TTI2: variants seen among roughly 807,000 people sequenced by gnomAD.
TTI2 encodes the protein TELO2-interacting protein 2.
A neutral mutation model predicts 44.9 loss-of-function variants in TTI2; 26 were observed. That is an observed-to-expected ratio of 0.58 (90% confidence interval 0.42 to 0.80). The LOEUF is 0.80. Among genes scored for constraint, TTI2 ranks in the 30% least tolerant of loss-of-function variants. The pLI, the probability that TTI2 is intolerant of heterozygous loss-of-function variation, is 0.00. For synonymous variants in TTI2, 254 were observed against 250.9 expected, an observed-to-expected ratio of 1.01 and a Z score of -0.12; for missense variants, 582 against 611.6, an observed-to-expected ratio of 0.95 and a Z score of 0.51.
Position 33,512,014 on chromosome 8 carries a change from T to C in TTI2, c.600A>G (p.Lys200=). The change falls in exon 2 of 8, where the codon AAA becomes AAG. Residue 200 remains lysine (K), a synonymous_variant. Coordinates refer to ENST00000431156, the MANE Select transcript of TTI2 (RefSeq NM_001102401.4). ...GFLHGENEDE[K]GRLSVILGLL... ...GCCCTAGTATCACCGAAAGTCTCCC[T>C]TTCTCATCTTCATTTTCTCCATGTA... The C allele has an allele frequency of 6.2e-7, 1 of 1,614,170 alleles. No homozygotes were observed. Among genetic ancestry groups the C allele is most frequent in the Non-Finnish European group, 8.5e-7 (1 of 1,180,038 alleles).
Position 33,504,042 on chromosome 8 carries a change from C to G in TTI2, c.928-107G>C. 2.5e-6 allele frequency: 3 copies of G among 1,180,784 alleles called. 1 individual carries two copies. The South Asian group carries it at 3.9e-5, about 15-fold the overall frequency. The allele number at this position is 1,180,784 out of a possible 1,614,324, so 73.1% of individuals were successfully genotyped here. A position where few individuals can be genotyped will look rare whatever the true frequency, so the allele number is the denominator to read the frequency against. Reference sequence around the variant, plus strand: ...AATCTACCGTCCTTAGGGTCCATACCAGAGAATTCTAAGATACTAGTAATC... The same window carrying G: ...AATCTACCGTCCTTAGGGTCCATACGAGAGAATTCTAAGATACTAGTAATC... On this transcript the variant is annotated intron_variant, in intron 4 of 7. Coordinates refer to ENST00000431156, the MANE Select transcript of TTI2 (RefSeq NM_001102401.4).
chr8:33,512,817 G>T, intron 1 of TTI2, 105 bp from the exon 2 acceptor site: 1 of 489,318 alleles, frequency 2.0e-6, no homozygotes, highest in Non-Finnish European at 3.6e-6. Flanking sequence ...GGAGTTTGCA[G>T]TGAGCCGAGA....
chr8:33,509,718 C>T (rs767941286), intron 3 of TTI2, 28 bp downstream of exon 3: 15 of 1,608,534 alleles, frequency 9.3e-6, no homozygotes, highest in Admixed American at 1.7e-5. Flanking sequence ...GTCCTGTCAA[C>T]ACAGATGACA....
chr8:33,500,440 CA>C lies in TTI2; in HGVS notation c.1309del (p.Cys437ValfsTer3). 1 of 1,614,110 alleles carries C rather than the reference CA, an allele frequency of 6.2e-7. No individual in the cohort carries two copies. The highest frequency in any genetic ancestry group is 8.5e-7 in the Non-Finnish European group (1 of 1,180,018). On this transcript the variant is annotated frameshift_variant, in exon 7 of 8. Coordinates refer to ENST00000431156, the MANE Select transcript of TTI2 (RefSeq NM_001102401.4). LOFTEE classifies it high-confidence loss of function. Reference sequence around the variant, plus strand: ...AAGGTTTGGATCCCTTGCTACATCACAAATCAGTTTCAAGAGGGCCTTCAGT... The same window carrying C: ...AAGGTTTGGATCCCTTGCTACATCACAATCAGTTTCAAGAGGGCCTTCAGT... The part of the protein sequence containing the change: ...VLLKALLKLI[C>X]DVARDPNLTP...
intron 6 of TTI2, 43 bp downstream of exon 6, chr8:33,503,386 A>G (rs1212367957): frequency 6.2e-7 from 1 of 1,613,722 alleles, no homozygotes; most frequent in Non-Finnish European, 8.5e-7. Context: ...GCAAGTTCTC[A>G]AGAGAAAATC....
rs751113227 is a variant in TTI2, at chr8:33,503,441, T to G, written c.1247A>C (p.His416Pro). The change falls in exon 6 of 8, where the codon CAT (histidine) becomes CCT (proline). Residue 416 changes from histidine (H) to proline (P), a missense_variant. Transcript: ENST00000431156. ...ILETLKLLMQ[H>P]TWPRVSCRLV... Reference sequence around the variant, plus strand: ...AGGCTGCTATTACCTGGGCCAAGTATGTTGCATGAGAAGTTTTAGGGTTTC... The same window carrying G: ...AGGCTGCTATTACCTGGGCCAAGTAGGTTGCATGAGAAGTTTTAGGGTTTC... 3.7e-6 allele frequency: 6 copies of G among 1,614,030 alleles called. No individual in the cohort carries two copies. The highest frequency in any genetic ancestry group is 5.1e-6 in the Non-Finnish European group (6 of 1,180,044).
chr8:33,503,596 A>T, intron 5 of TTI2, 24 bp from the exon 6 acceptor site: 1 of 1,613,070 alleles, frequency 6.2e-7, no homozygotes, highest in South Asian at 1.1e-5. Context: ...AGAAAATATG[A>T]CGCCAGTGCA....
Position 33,499,492 on chromosome 8 carries a change from G to A in TTI2, c.1423-215C>T. On this transcript the variant is annotated intron_variant, in intron 7 of 7. Coordinates refer to ENST00000431156, the MANE Select transcript of TTI2 (RefSeq NM_001102401.4). ...TTGAAGGTGCTACTTTAAAAACTGT[G>A]TTAATGTACTTGCAAATCTCCTGCT... 4 of 470,106 alleles carry A rather than the reference G, an allele frequency of 8.5e-6. No individual in the cohort carries two copies. In the South Asian group the frequency reaches 1.0e-4, roughly 12 times the overall value. The allele number at this position is 470,106 out of a possible 1,614,324, so 29.1% of individuals were successfully genotyped here.
chr8:33,512,322 C>G lies in TTI2; in HGVS notation c.292G>C (p.Glu98Gln), dbSNP rs764497082. 2 of 1,614,200 alleles carry G rather than the reference C, an allele frequency of 1.2e-6. No individual in the cohort carries two copies. The highest frequency in any genetic ancestry group is 1.7e-6 in the Non-Finnish European group (2 of 1,180,034). The change falls in exon 2 of 8, where the codon GAG (glutamate) becomes CAG (glutamine). Residue 98 changes from glutamate to glutamine, a missense_variant. By Grantham distance (29) the Glu-to-Gln change is conservative (BLOSUM62 2). Transcript: ENST00000431156. ...TGCCCATCACCTCCACCTTCCTCCT[C>G]CTTGGAGGGGGCTGCATACTTCTCC... ...ALEKYAAPSK[E>Q]EEGGGDGHSE... is the part of the protein sequence containing the mutation.
chr8:33,500,498 C>T lies in TTI2; in HGVS notation c.1260-8G>A, dbSNP rs776929766. 1.2e-5 allele frequency: 20 copies of T among 1,613,720 alleles called. No homozygotes were observed. The highest frequency in any genetic ancestry group is 1.7e-5 in the Non-Finnish European group (20 of 1,179,950). ...ACAAGTCTGCAGGAAACTCTGGAATCAGGAAGAAAAGCTATGTTCATACTC... is the reference window on the plus strand; with the variant it reads ...ACAAGTCTGCAGGAAACTCTGGAATTAGGAAGAAAAGCTATGTTCATACTC... On this transcript the variant is annotated splice_polypyrimidine_tract_variant and splice_region_variant and intron_variant, in intron 6 of 7. Coordinates refer to ENST00000431156, the MANE Select transcript of TTI2 (RefSeq NM_001102401.4).
Position 33,509,829 on chromosome 8 carries a change from CG to C in TTI2, c.750del (p.Ala251HisfsTer95), listed in dbSNP as rs1563355164. 1 of 1,614,000 alleles carries C rather than the reference CG, an allele frequency of 6.2e-7. No homozygotes were observed. The highest frequency in any genetic ancestry group is 8.5e-7 in the Non-Finnish European group (1 of 1,179,966). On this transcript the variant is annotated frameshift_variant, in exon 3 of 8. Coordinates refer to ENST00000431156, the MANE Select transcript of TTI2 (RefSeq NM_001102401.4). LOFTEE classifies it high-confidence loss of function. ...WLSQHLERVL[P>X]ASLVISDDYQ... is the part of the protein sequence containing the mutation. ...TAGTCATCTGAAATGACCAATGATG[CG>C]GGAAGTACCCTTTCCAGATGCTGGC... is the stretch of plus-strand genomic sequence containing the variant.
At chr8:33,510,766 C>T (rs1809497587) in intron 2 of TTI2, among the ~76,000 whole-genome samples, 1 of 152,080 alleles carries the variant, frequency 6.6e-6, no homozygotes, top group African/African-American at 2.4e-5. Context: ...GCACGAAACT[C>T]AAAATCAAGC....
At chr8:33,509,132 CAAAA>C (rs751009227) in intron 3 of TTI2, among the ~76,000 whole-genome samples, 1,435 of 97,050 alleles carry the variant, frequency 0.015, 17 homozygotes, top group African/African-American at 0.049. Flanking sequence ...GATAATGTCT[CAAAA>C]AAAAAAAAAA....
At position 33,509,871 on chromosome 8, in the gene TTI2, T is replaced by C. The variant is rs750649409; in HGVS notation, c.709A>G (p.Thr237Ala). The C allele has an allele frequency of 2.3e-5, 37 of 1,613,454 alleles. No homozygotes were observed. In the Admixed American group the frequency reaches 6.2e-4, roughly 27 times the overall value. Residue 237 changes from threonine to alanine, a missense_variant, in exon 3 of 8, where the codon ACT becomes GCT. Transcript: ENST00000431156. ...HVFSWTLQQVTRPWLSQHLER... is the reference protein window; with the variant it reads ...HVFSWTLQQVARPWLSQHLER... ...AGATGCTGGCTCAGCCAGGGCCGAGTGACCTGTTGCAGAGTCCATGAGAAA... is the reference window on the plus strand; with the variant it reads ...AGATGCTGGCTCAGCCAGGGCCGAGCGACCTGTTGCAGAGTCCATGAGAAA...
At chr8:33,510,147 G>A (rs1304677593) in intron 2 of TTI2, among the ~76,000 whole-genome samples, 1 of 152,142 alleles carries the variant, frequency 6.6e-6, no homozygotes, top group East Asian at 1.9e-4. Context: ...CAGGGCTTTG[G>A]GTCTACAGCC....
At chr8:33,510,440 C>T (rs1809486693) in intron 2 of TTI2, among the ~76,000 whole-genome samples, 1 of 152,002 alleles carries the variant, frequency 6.6e-6, no homozygotes, top group Admixed American at 6.6e-5. Context: ...GCAGTGGCAC[C>T]ATCTGGGTTC....
At chr8:33,506,152 A>G (rs998435231) in intron 4 of TTI2, among the ~76,000 whole-genome samples, 11 of 152,206 alleles carry the variant, frequency 7.2e-5, no homozygotes, top group African/African-American at 2.4e-4. Flanking sequence ...ATATGTAGAC[A>G]TCTAAGTACA....
At chr8:33,507,972 G>C (rs1370237176) in intron 3 of TTI2, among the ~76,000 whole-genome samples, 1 of 129,764 alleles carries the variant, frequency 7.7e-6, no homozygotes, top group Non-Finnish European at 1.6e-5. Flanking sequence ...CTGGGTAACA[G>C]AGCAAGACCC....
At chr8:33,499,645 C>T (rs538064994) in intron 7 of TTI2, 63 of 186,966 alleles carry the variant, frequency 3.4e-4, no homozygotes, top group Admixed American at 3.1e-3. Flanking sequence ...TTCATACTAT[C>T]TCTACATATT....
Sources: gnomAD v4.1 joint callset for allele counts (sites outside exome capture counted in the v4.1 genomes callset) on GRCh38, gnomAD v4.1.1 for gene constraint, MANE v1.5 for transcripts, NCBI Gene and HGNC (gene_info 2026-07-23, HGNC 2026-07-21) for gene names.